PLXDC2: variants seen among roughly 807,000 people sequenced by gnomAD.
The protein encoded by PLXDC2 is plexin domain-containing protein 2.
PLXDC2 carries 40 observed loss-of-function variants against 68.9 expected under a neutral mutation model. The observed-to-expected ratio is 0.58, with a 90% confidence interval of 0.45 to 0.76. The LOEUF (loss-of-function observed/expected upper bound fraction) is 0.76, where lower values mean the gene tolerates loss of function less well. Ranked by LOEUF, PLXDC2 falls within the 30% of genes least tolerant of loss-of-function variation. The pLI is 0.00. For synonymous variants in PLXDC2, 243 were observed against 234.2 expected (o/e 1.04, Z -0.34); for missense variants, 644 against 661.9 (o/e 0.97, Z 0.30).
intron 1 of PLXDC2, among the ~76,000 whole-genome samples, chr10:19,947,252 C>G (rs945202858): frequency 6.6e-6 from 1 of 152,186 alleles, no homozygotes; most frequent in African/African-American, 2.4e-5. Flanking sequence ...CAGTTTTGAA[C>G]CTCTGACCTC....
intron 1 of PLXDC2, among the ~76,000 whole-genome samples, chr10:19,932,912 G>T (rs1833664322): frequency 6.6e-6 from 1 of 152,122 alleles, no homozygotes; most frequent in African/African-American, 2.4e-5. Context: ...GGAGAACAGG[G>T]GACGGGATTT....
chr10:20,041,328 T>G (rs1835677936), intron 2 of PLXDC2, among the ~76,000 whole-genome samples: 1 of 152,188 alleles, frequency 6.6e-6, no homozygotes, highest in South Asian at 2.1e-4. Context: ...AGTCACAACT[T>G]TATTCTCTGA....
chr10:20,217,486 AC>A lies in PLXDC2; in HGVS notation c.1185del (p.Val396Ter). 1 of 1,612,664 alleles carries A rather than the reference AC, an allele frequency of 6.2e-7. No homozygotes were observed. The highest frequency in any genetic ancestry group is 8.5e-7 in the Non-Finnish European group (1 of 1,179,242). On this transcript the variant is annotated frameshift_variant, in exon 11 of 14. Coordinates refer to ENST00000377252, the MANE Select transcript of PLXDC2 (RefSeq NM_032812.9). LOFTEE classifies it high-confidence loss of function. ...GGAAACTTCTTCTCGAACCACCACA[AC>A]CGTAGGAGCGACAACCACCCAGTTC... The part of the protein sequence containing the change: ...PVETSSRTTT[T>X]VGATTTQFRV...
At chr10:20,001,722 C>A in intron 1 of PLXDC2, 53 bp from the exon 2 acceptor site, 1 of 1,526,330 alleles carries the variant, frequency 6.6e-7, no homozygotes, top group Non-Finnish European at 9.1e-7. Context: ...ATAGCACTTG[C>A]ATGTATGGTA....
intron 1 of PLXDC2, among the ~76,000 whole-genome samples, chr10:19,972,545 A>G (rs1834372838): frequency 6.6e-6 from 1 of 152,188 alleles, no homozygotes; most frequent in Non-Finnish European, 1.5e-5. Context: ...TCCAAGCAAC[A>G]TGCAATTTGC....
chr10:19,871,321 G>A (rs1432822786), intron 1 of PLXDC2, among the ~76,000 whole-genome samples: 1 of 152,130 alleles, frequency 6.6e-6, no homozygotes, highest in Non-Finnish European at 1.5e-5. Flanking sequence ...GGGACATTCC[G>A]TCATGAACCC....
chr10:20,257,440 C>G (rs1337655350), intron 13 of PLXDC2, among the ~76,000 whole-genome samples: 1 of 151,836 alleles, frequency 6.6e-6, no homozygotes, highest in Non-Finnish European at 1.5e-5. Flanking sequence ...TTATTGGTAA[C>G]CCAACGGCAA....
At chr10:20,011,938 G>A (rs890604621) in intron 2 of PLXDC2, among the ~76,000 whole-genome samples, 2 of 152,116 alleles carry the variant, frequency 1.3e-5, no homozygotes, top group Non-Finnish European at 2.9e-5. Flanking sequence ...CAACAATTTA[G>A]CACCAATTCA....
chr10:20,043,094 ATACTT>A (rs1490112142), intron 2 of PLXDC2, among the ~76,000 whole-genome samples: 1 of 152,208 alleles, frequency 6.6e-6, no homozygotes, highest in Non-Finnish European at 1.5e-5. Flanking sequence ...CGTGTTTTGA[ATACTT>A]TACTAGTGCT....
Position 20,047,022 on chromosome 10 carries a change from G to A in PLXDC2, c.471+7G>A. 1 of 1,585,300 alleles carries A rather than the reference G, an allele frequency of 6.3e-7. No homozygotes were observed. The highest frequency in any genetic ancestry group is 8.6e-7 in the Non-Finnish European group (1 of 1,166,648). The stretch of plus-strand genomic sequence containing the variant: ...TACTCATCGGCAAGCTGCAGTAAGT[G>A]TTTGGACATTCAGGGTTCATTTTAC... On this transcript the variant is annotated splice_region_variant and intron_variant, in intron 3 of 13. Coordinates refer to ENST00000377252, the MANE Select transcript of PLXDC2 (RefSeq NM_032812.9).
At chr10:20,132,375 T>C (rs1833878619) in intron 4 of PLXDC2, among the ~76,000 whole-genome samples, 1 of 152,230 alleles carries the variant, frequency 6.6e-6, no homozygotes, top group African/African-American at 2.4e-5. Flanking sequence ...GTCTTCAGTC[T>C]TGTTCGTGTC....
At chr10:19,823,321 G>A (rs1002537732) in intron 1 of PLXDC2, among the ~76,000 whole-genome samples, 5 of 152,082 alleles carry the variant, frequency 3.3e-5, no homozygotes, top group East Asian at 1.9e-4. Flanking sequence ...GGTTCTTTGT[G>A]GGATTCTTTT....
At chr10:20,116,197 C>T (rs1288228383) in intron 4 of PLXDC2, among the ~76,000 whole-genome samples, 1 of 152,142 alleles carries the variant, frequency 6.6e-6, no homozygotes, top group African/African-American at 2.4e-5. Context: ...ATAGCTTTGC[C>T]CCCAAGCCTT....
At chr10:19,894,340 A>G (rs74122105) in intron 1 of PLXDC2, among the ~76,000 whole-genome samples, 3,555 of 151,820 alleles carry the variant, frequency 0.023, 133 homozygotes, top group African/African-American at 0.081. Context: ...TTTCTATGAC[A>G]TACCGTAAAA....
intron 1 of PLXDC2, among the ~76,000 whole-genome samples, chr10:19,896,177 A>C (rs995003544): frequency 6.6e-6 from 1 of 152,216 alleles, no homozygotes; most frequent in African/African-American, 2.4e-5. Flanking sequence ...AGTCCAAGAA[A>C]GCAGCCCATG....
intron 2 of PLXDC2, among the ~76,000 whole-genome samples, chr10:20,040,244 G>C (rs1200380234): frequency 6.6e-6 from 1 of 151,964 alleles, no homozygotes; most frequent in Non-Finnish European, 1.5e-5. Context: ...ATTACCACTC[G>C]CCAGTTTCCC....
intron 13 of PLXDC2, among the ~76,000 whole-genome samples, chr10:20,279,313 TATTG>T (rs999672344): frequency 2.0e-5 from 3 of 152,182 alleles, no homozygotes; most frequent in Non-Finnish European, 4.4e-5. Flanking sequence ...GTGATATCAG[TATTG>T]ACTTGTAGAG....
chr10:19,850,672 G>A (rs781114428), intron 1 of PLXDC2, among the ~76,000 whole-genome samples: 35 of 152,090 alleles, frequency 2.3e-4, no homozygotes, highest in Middle Eastern at 3.4e-3. Context: ...CTTTATAAGC[G>A]CCACCAAAAT....
chr10:20,233,017 T>G (rs1009196531), intron 12 of PLXDC2, among the ~76,000 whole-genome samples: 4 of 152,104 alleles, frequency 2.6e-5, no homozygotes, highest in Non-Finnish European at 4.4e-5. Flanking sequence ...TAAAGCCAAA[T>G]GATAATAATA....
Sources: gnomAD v4.1 joint callset for allele counts (sites outside exome capture counted in the v4.1 genomes callset) on GRCh38, gnomAD v4.1.1 for gene constraint, MANE v1.5 for transcripts, NCBI Gene and HGNC (gene_info 2026-07-23, HGNC 2026-07-21) for gene names.